ZNF608: variants seen among roughly 807,000 people sequenced by gnomAD.
The protein encoded by ZNF608 is zinc finger protein 608.
Under a neutral mutation model 109.0 loss-of-function variants are expected in ZNF608, and 12 were observed. The ratio of observed to expected loss-of-function variants is 0.11; its 90% CI spans 0.07 to 0.18. The LOEUF (loss-of-function observed/expected upper bound fraction) is 0.18, where lower values mean the gene tolerates loss of function less well. Ranked by LOEUF, ZNF608 falls within the 10% of genes least tolerant of loss-of-function variation. ZNF608 has a pLI of 1.00. For synonymous variants in ZNF608, 732 were observed against 717.4 expected (o/e 1.02, Z -0.33); for missense variants, 1,707 against 1,879.3 (o/e 0.91, Z 1.70).
Position 124,746,287 on chromosome 5 carries a change from A to T in ZNF608, c.-276T>A. Reference sequence around the variant, plus strand: ...AACAAGCCTGTGCCTCATTTTACTTAAACACCAAATGATCAAGAAGGAAGA... The same window carrying T: ...AACAAGCCTGTGCCTCATTTTACTTTAACACCAAATGATCAAGAAGGAAGA... On this transcript the variant is annotated 5_prime_UTR_variant, in exon 1 of 10. The change creates a premature stop within an existing upstream ORF in the 5' untranslated region. Transcript: ENST00000513986. The T allele has an allele frequency of 1.5e-5, 15 of 985,408 alleles. No homozygotes were observed. The highest frequency in any genetic ancestry group is 1.8e-5 in the Non-Finnish European group (15 of 829,922). 61.0% of individuals were successfully genotyped at this position (985,408 alleles called of 1,614,324 possible).
chr5:124,723,303 G>A (rs1233256900), intron 2 of ZNF608, among the ~76,000 whole-genome samples: 1 of 152,174 alleles, frequency 6.6e-6, no homozygotes, highest in Non-Finnish European at 1.5e-5. Flanking sequence ...GCCGCGCCCT[G>A]CCTTATAGTC....
At position 124,746,261 on chromosome 5, in the gene ZNF608, A is replaced by T; in HGVS notation, c.-250T>A. 8.1e-6 allele frequency: 8 copies of T among 985,466 alleles called. No homozygotes were observed. Among genetic ancestry groups the T allele is most frequent in the Non-Finnish European group, 8.4e-6 (7 of 829,940 alleles). The allele number at this position is 985,466 out of a possible 1,614,324, so 61.0% of individuals were successfully genotyped here. On this transcript the variant is annotated 5_prime_UTR_variant, in exon 1 of 10. Transcript: ENST00000513986. ...AAATGCCTTTCCCACTCCACTCGGC[A>T]AACAAGCCTGTGCCTCATTTTACTT...
intron 2 of ZNF608, among the ~76,000 whole-genome samples, chr5:124,731,358 G>A (rs905860673): frequency 3.3e-5 from 5 of 151,998 alleles, no homozygotes; most frequent in African/African-American, 7.2e-5. Flanking sequence ...TTATAGGTGC[G>A]AACCACCACA....
In ZNF608 at chr5:124,745,186, G is replaced by A. The variant is rs920774630; in HGVS notation, c.-183-14C>T. ...GTCCACCTTTTCCTGTGAAGGGGGG[G>A]GGAAAAGTCGAATATTTCTTGTCTG... On this transcript the variant is annotated splice_polypyrimidine_tract_variant and intron_variant, in intron 1 of 9. Transcript: ENST00000513986. The A allele has an allele frequency of 1.6e-5, 22 of 1,403,028 alleles. No homozygotes were observed. The highest frequency in any genetic ancestry group is 2.6e-5 in the East Asian group (1 of 38,394). 86.9% of individuals were successfully genotyped at this position (1,403,028 alleles called of 1,614,324 possible). A position where few individuals can be genotyped will look rare whatever the true frequency, so the allele number is the denominator to read the frequency against.
chr5:124,668,218 TA>T (rs1751567631), intron 3 of ZNF608, among the ~76,000 whole-genome samples: 7 of 137,952 alleles, frequency 5.1e-5, no homozygotes, highest in African/African-American at 1.6e-4. Flanking sequence ...ATATATATAT[TA>T]TATATATATA....
At chr5:124,683,433 TG>T (rs914936954) in intron 3 of ZNF608, among the ~76,000 whole-genome samples, 1 of 152,172 alleles carries the variant, frequency 6.6e-6, no homozygotes, top group Non-Finnish European at 1.5e-5. Flanking sequence ...ATATTTGTGT[TG>T]GGGGAAAGGG....
chr5:124,647,498 G>A lies in ZNF608; in HGVS notation c.2886C>T (p.Ala962=), dbSNP rs1437187844. Residue 962 remains alanine (A), a synonymous_variant, in exon 5 of 10, where the codon GCC becomes GCT. Transcript: ENST00000513986. ...DSRSEGMRSK[A]SSPSDIISSK... ...TAGAAATAATATCTGATGGGGAACT[G>A]GCCTTTGATCTCATACCCTCCGACC... 5.6e-6 allele frequency: 9 copies of A among 1,614,040 alleles called. No individual in the cohort carries two copies. Among genetic ancestry groups the A allele is most frequent in the African/African-American group, 1.3e-5 (1 of 74,920 alleles).
intron 3 of ZNF608, among the ~76,000 whole-genome samples, chr5:124,655,301 A>C (rs1580552905): frequency 1.3e-5 from 2 of 152,368 alleles, no homozygotes; most frequent in Middle Eastern, 6.8e-3. Context: ...CTGATTTCCC[A>C]GTGGATTGAC....
intron 2 of ZNF608, among the ~76,000 whole-genome samples, chr5:124,718,056 T>G (rs1199296098): frequency 2.0e-5 from 3 of 152,224 alleles, no homozygotes; most frequent in Admixed American, 6.5e-5. Context: ...TGTCACAATC[T>G]GAGCACAGGC....
chr5:124,687,831 T>C (rs1247656934), intron 3 of ZNF608, among the ~76,000 whole-genome samples: 1 of 152,292 alleles, frequency 6.6e-6, no homozygotes, highest in East Asian at 1.9e-4. Flanking sequence ...AAAAACTACC[T>C]TGATGGTTCT....
chr5:124,745,741 A>T (rs1003475808), intron 1 of ZNF608, among the ~76,000 whole-genome samples: 7 of 152,132 alleles, frequency 4.6e-5, no homozygotes, highest in African/African-American at 1.4e-4. Context: ...TTTTGTTCCT[A>T]GTAAGGAACA....
intron 9 of ZNF608, among the ~76,000 whole-genome samples, chr5:124,638,577 T>C (rs895411281): frequency 6.6e-6 from 1 of 152,204 alleles, no homozygotes; most frequent in Non-Finnish European, 1.5e-5. Context: ...TTTGGCACTG[T>C]AAACCAGAAA....
intron 2 of ZNF608, among the ~76,000 whole-genome samples, chr5:124,719,535 G>C (rs986855926): frequency 6.6e-6 from 1 of 152,186 alleles, no homozygotes; most frequent in Non-Finnish European, 1.5e-5. Context: ...GGGGTGGTGG[G>C]AAAAACATTA....
At chr5:124,646,573 T>C (rs1430725078) in intron 5 of ZNF608, 106 bp downstream of exon 5, 1 of 1,380,048 alleles carries the variant, frequency 7.2e-7, no homozygotes, top group Non-Finnish European at 9.7e-7. Flanking sequence ...AAAACTAATA[T>C]GGGTTTCTTT....
At chr5:124,656,799 A>ACAC (rs1751029094) in intron 3 of ZNF608, among the ~76,000 whole-genome samples, 2 of 123,920 alleles carry the variant, frequency 1.6e-5, no homozygotes, top group Non-Finnish European at 3.3e-5. Context: ...ATAAGCCCTA[A>ACAC]ACACACACAC....
At position 124,644,363 on chromosome 5, in the gene ZNF608, G is replaced by A; in HGVS notation, c.4004C>T (p.Pro1335Leu). 5 of 1,614,120 alleles carry A rather than the reference G, an allele frequency of 3.1e-6. No homozygotes were observed. Among genetic ancestry groups the A allele is most frequent in the South Asian group, 1.1e-5 (1 of 91,080 alleles). The change falls in exon 6 of 10, where the codon CCC (proline) becomes CTC (leucine). Residue 1335 changes from proline (P) to leucine (L), a missense_variant. By Grantham distance (98) the Pro-to-Leu change is moderately conservative. Around this residue, in one of 7 missense-constraint regions of ZNF608, gnomAD observed 1,073 missense variants for 1,133.5 expected, o/e 0.95. Coordinates refer to ENST00000513986, the MANE Select transcript of ZNF608 (RefSeq NM_020747.3). Reference sequence around the variant, plus strand: ...TATGTATGACTGATGCTGACTCATGGGTGAGGAGACAGCCACTCTTGTTCC... The same window carrying A: ...TATGTATGACTGATGCTGACTCATGAGTGAGGAGACAGCCACTCTTGTTCC... ...SRGTRVAVSSPMSQHQSYIQY... is the reference protein window; with the variant it reads ...SRGTRVAVSSLMSQHQSYIQY...
intron 3 of ZNF608, among the ~76,000 whole-genome samples, chr5:124,691,152 C>T (rs1752611522): frequency 6.6e-6 from 1 of 152,134 alleles, no homozygotes; most frequent in Non-Finnish European, 1.5e-5. Flanking sequence ...CATCTGTAGG[C>T]CCATCCCAGC....
intron 2 of ZNF608, among the ~76,000 whole-genome samples, chr5:124,712,212 G>A (rs1188441661): frequency 1.3e-5 from 2 of 152,258 alleles, no homozygotes; most frequent in East Asian, 1.9e-4. Context: ...GGGGTGGGGG[G>A]ATAGGGAGGA....
intron 3 of ZNF608, among the ~76,000 whole-genome samples, chr5:124,693,974 C>CCTTTTTTTTTTT (rs1752723223): frequency 1.6e-5 from 1 of 60,934 alleles, no homozygotes; most frequent in African/African-American, 7.6e-5. Context: ...TTTCATTAAT[C>CCTTTTTTTTTTT]TTTTTTTTTT....
Sources: allele counts gnomAD v4.1 joint callset (sites outside exome capture counted in the v4.1 genomes callset), GRCh38; gene constraint gnomAD v4.1.1; regional missense constraint gnomAD v4.1.1; transcripts MANE v1.5; gene names NCBI Gene and HGNC (gene_info 2026-07-23, HGNC 2026-07-21).